Variants in PTPRG observed in about 807,000 individuals in gnomAD.
PTPRG encodes the protein protein tyrosine phosphatase receptor type G.
Under a neutral mutation model 165.3 loss-of-function variants are expected in PTPRG, and 102 were observed. The observed-to-expected ratio is 0.62, with a 90% CI of 0.53 to 0.73. The LOEUF (loss-of-function observed/expected upper bound fraction) is 0.73. Among genes scored for constraint, PTPRG ranks in the 30% least tolerant of loss-of-function variants. The probability of loss-of-function intolerance (pLI) is 0.00; values close to 1 mark genes in which losing one functional copy is unlikely to be tolerated. For synonymous variants in PTPRG, 675 were observed against 669.5 expected, an observed-to-expected ratio of 1.01 and a Z score of -0.13; for missense variants, 1,866 against 1,861.4, an observed-to-expected ratio of 1.00 and a Z score of -0.05.
intron 2 of PTPRG, among the ~76,000 whole-genome samples, chr3:61,984,778 A>G (rs1021754082): frequency 3.3e-5 from 5 of 152,122 alleles, no homozygotes; most frequent in African/African-American, 9.7e-5. Flanking sequence ...ACCACATTCT[A>G]TTTATTGTCT....
chr3:61,732,302 G>A (rs2032531770), intron 1 of PTPRG, among the ~76,000 whole-genome samples: 1 of 152,142 alleles, frequency 6.6e-6, no homozygotes, highest in African/African-American at 2.4e-5. Context: ...AGCAGGCCGG[G>A]CGCAGTGGCT....
At chr3:62,172,393 A>G (rs984745163) in intron 8 of PTPRG, among the ~76,000 whole-genome samples, 14 of 152,178 alleles carry the variant, frequency 9.2e-5, no homozygotes, top group African/African-American at 3.4e-4. Flanking sequence ...CAATTTCTCC[A>G]TATCCTCACC....
chr3:62,172,469 A>G (rs1705252925), intron 8 of PTPRG, among the ~76,000 whole-genome samples: 2 of 152,196 alleles, frequency 1.3e-5, no homozygotes, highest in Non-Finnish European at 2.9e-5. Context: ...GCATCAGTTT[A>G]TAGTTCTGAT....
chr3:61,809,864 C>T (rs985827764), intron 2 of PTPRG, among the ~76,000 whole-genome samples: 1 of 152,164 alleles, frequency 6.6e-6, no homozygotes, highest in Non-Finnish European at 1.5e-5. Context: ...GCTCTGTGCT[C>T]TCTTGATTTC....
intron 10 of PTPRG, among the ~76,000 whole-genome samples, chr3:62,196,892 G>A (rs1699977160): frequency 7.0e-6 from 1 of 143,816 alleles, no homozygotes; most frequent in African/African-American, 2.7e-5. Context: ...TTGTGGACCA[G>A]CAGCAGCAGC....
intron 2 of PTPRG, chr3:61,769,792 T>C (rs977205108): frequency 1.1e-4 from 17 of 152,172 alleles, no homozygotes; most frequent in African/African-American, 3.4e-4. Flanking sequence ...AATATGGTGA[T>C]GTGATTCTTG....
At chr3:61,729,473 A>G (rs1404774103) in intron 1 of PTPRG, among the ~76,000 whole-genome samples, 1 of 152,198 alleles carries the variant, frequency 6.6e-6, no homozygotes, top group African/African-American at 2.4e-5. Flanking sequence ...AATAAAGGTA[A>G]ATAGTTAATT....
At chr3:62,257,669 C>G (rs539775808) in intron 16 of PTPRG, among the ~76,000 whole-genome samples, 3 of 152,146 alleles carry the variant, frequency 2.0e-5, no homozygotes, top group African/African-American at 7.2e-5. Flanking sequence ...AAAGTAGTGT[C>G]CTGGGCCAGG....
At chr3:61,600,799 C>T (rs1208733259) in intron 1 of PTPRG, among the ~76,000 whole-genome samples, 2 of 152,066 alleles carry the variant, frequency 1.3e-5, no homozygotes, top group African/African-American at 2.4e-5. Context: ...CCTCGGTGTC[C>T]CAAAGTGCTG....
At chr3:62,100,833 C>A (rs1702266907) in intron 5 of PTPRG, among the ~76,000 whole-genome samples, 4 of 152,152 alleles carry the variant, frequency 2.6e-5, no homozygotes, top group Admixed American at 2.6e-4. Flanking sequence ...TCATATCCAG[C>A]CTCCTTTTTT....
In PTPRG at chr3:61,638,618, T is replaced by TTG. The variant is rs1553643112; in HGVS notation, c.85+76246_85+76247insTG. Among the ~76,000 whole-genome samples, 11 of 116,310 alleles carry TTG rather than the reference T, an allele frequency of 9.5e-5. 1 individual carries two copies. The highest frequency in any genetic ancestry group is 2.7e-4 in the African/African-American group (8 of 29,604). 76.3% of individuals were successfully genotyped at this position (116,310 alleles called of 152,430 possible). On this transcript the variant is annotated intron_variant, in intron 1 of 29. Transcript: ENST00000474889. The stretch of plus-strand genomic sequence containing the variant: ...TTTTTTTTTTTTTTTTTTTTTTTTT[T>TTG]GGGGTAGAGGGATTTCCCTATGTTG...
chr3:61,679,956 G>A (rs1703371373), intron 1 of PTPRG, among the ~76,000 whole-genome samples: 1 of 152,052 alleles, frequency 6.6e-6, no homozygotes, highest in Non-Finnish European at 1.5e-5. Flanking sequence ...TTCTTCAACT[G>A]CCCCGCTACT....
chr3:61,809,391 T>C (rs1212514381), intron 2 of PTPRG, among the ~76,000 whole-genome samples: 1 of 152,134 alleles, frequency 6.6e-6, no homozygotes, highest in Non-Finnish European at 1.5e-5. Context: ...TGAAACAGTT[T>C]TCTGAGCTGA....
In PTPRG at chr3:61,994,927, T is replaced by C. The variant is rs1400548157; in HGVS notation, c.370+5123T>C. ...GAAAGATACTCTTTGCCCTGTTGAC[T>C]GCTGCCTCTCTGCAGCCCTGAAGAG... On this transcript the variant is annotated intron_variant, in intron 3 of 29. Coordinates refer to ENST00000474889, the MANE Select transcript of PTPRG (RefSeq NM_002841.4). Among the ~76,000 whole-genome samples, 3 of 152,114 alleles carry C rather than the reference T, an allele frequency of 2.0e-5. No individual in the cohort carries two copies. The East Asian group carries it at 5.8e-4, about 29-fold the overall frequency.
intron 1 of PTPRG, among the ~76,000 whole-genome samples, chr3:61,687,242 A>C (rs762730854): frequency 6.6e-6 from 1 of 152,158 alleles, no homozygotes; most frequent in Non-Finnish European, 1.5e-5. Flanking sequence ...CTTATTTGGA[A>C]TTTTCTTTAG....
At chr3:62,004,504 T>G (rs2041248014) in intron 4 of PTPRG, among the ~76,000 whole-genome samples, 1 of 152,212 alleles carries the variant, frequency 6.6e-6, no homozygotes, top group Admixed American at 6.5e-5. Context: ...CCCTCCTTAG[T>G]TCTTGTTTTC....
chr3:62,103,864 A>T (rs1702380642), intron 5 of PTPRG, among the ~76,000 whole-genome samples: 1 of 152,168 alleles, frequency 6.6e-6, no homozygotes, highest in Non-Finnish European at 1.5e-5. Context: ...TTGCAGGTAG[A>T]CCCAAACCTT....
chr3:61,983,229 C>T (rs1283786806), intron 2 of PTPRG, among the ~76,000 whole-genome samples: 1 of 151,916 alleles, frequency 6.6e-6, no homozygotes, highest in Non-Finnish European at 1.5e-5. Context: ...CTGGAGAATG[C>T]AAAAGAATTG....
intron 3 of PTPRG, among the ~76,000 whole-genome samples, chr3:61,998,139 T>C (rs1391087608): frequency 6.6e-6 from 1 of 152,204 alleles, no homozygotes; most frequent in Admixed American, 6.5e-5. Context: ...TTATAAACAG[T>C]TGGGGGATGT....
Sources: gnomAD v4.1 joint callset for allele counts (sites outside exome capture counted in the v4.1 genomes callset) on GRCh38, gnomAD v4.1.1 for gene constraint, MANE v1.5 for transcripts, NCBI Gene and HGNC (gene_info 2026-07-23, HGNC 2026-07-21) for gene names.